Variants in NAV1 observed in about 807,000 individuals in gnomAD.
The protein encoded by NAV1 is neuron navigator 1, also known as pore membrane and/or filament interacting like protein 3.
NAV1 carries 18 observed loss-of-function variants against 175.2 expected under a neutral mutation model. That is an observed-to-expected ratio of 0.10 (90% CI 0.07 to 0.15). The LOEUF (loss-of-function observed/expected upper bound fraction) is 0.15. NAV1 is among the 10% of genes least tolerant of loss of function. The pLI, the probability that NAV1 is intolerant of heterozygous loss-of-function variation, is 1.00. For synonymous variants in NAV1, 897 were observed against 978.7 expected (o/e 0.92, Z 1.56); for missense variants, 1,731 against 2,436.6 (o/e 0.71, Z 6.10).
intron 1 of NAV1, among the ~76,000 whole-genome samples, chr1:201,697,290 G>T (rs1571890918): frequency 6.6e-6 from 1 of 152,150 alleles, no homozygotes; most frequent in Admixed American, 6.5e-5. Flanking sequence ...GACACAGCAG[G>T]CTTTTCCAGA....
At chr1:201,691,390 G>A (rs1044524013) in intron 1 of NAV1, among the ~76,000 whole-genome samples, 5 of 152,248 alleles carry the variant, frequency 3.3e-5, no homozygotes, top group South Asian at 2.1e-4. Flanking sequence ...GGTTTAGGAA[G>A]CAAACCAAAA....
At chr1:201,756,848 CTTTCTTTCTTT>C (rs1558131656) in intron 3 of NAV1, among the ~76,000 whole-genome samples, 1 of 132,346 alleles carries the variant, frequency 7.6e-6, no homozygotes, top group East Asian at 2.1e-4. Context: ...TTCTTTCTTT[CTTTCTTTCTTT>C]CTTTCTTTCT....
chr1:201,584,265 G>T lies in NAV1; in HGVS notation c.-143-4274G>T, dbSNP rs563171617. On this transcript the variant is annotated intron_variant, in intron 1 of 33. Transcript: ENST00000685211. ...CTGTAAAACCATTGCTCTTTTTCAT[G>T]ATACCATGTTTTTAGGGACTGCCCA... Among the ~76,000 whole-genome samples, 4 of 152,288 alleles carry T rather than the reference G, an allele frequency of 2.6e-5. No homozygotes were observed. The East Asian group carries it at 7.7e-4, about 29-fold the overall frequency.
At chr1:201,793,809 T>A (rs781651569) in exon 14 of NAV1, 5 of 1,613,710 alleles carry the variant, frequency 3.1e-6, no homozygotes, top group Admixed American at 1.7e-5. Context: ...TGGTGGCTGC[T>A]TTTGAGCAGA....
intron 15 of NAV1, 119 bp downstream of exon 19, chr1:201,794,696 C>A: frequency 1.2e-6 from 1 of 865,514 alleles, no homozygotes. Flanking sequence ...AAGGTGAGGG[C>A]CTTTAGATAC....
At chr1:201,815,410 G>A (rs1477862940) in intron 28 of NAV1, among the ~76,000 whole-genome samples, 1 of 152,108 alleles carries the variant, frequency 6.6e-6, no homozygotes, top group Non-Finnish European at 1.5e-5. Context: ...GGATGGGGAA[G>A]AAATTCTGTC....
chr1:201,818,018 G>C (rs907556564), intron 29 of NAV1, among the ~76,000 whole-genome samples: 2 of 152,014 alleles, frequency 1.3e-5, no homozygotes, highest in African/African-American at 4.8e-5. Context: ...ATGGCTTGAG[G>C]CCAGGAGTGC....
At chr1:201,721,810 C>T (rs915883575) in intron 3 of NAV1, among the ~76,000 whole-genome samples, 7 of 152,150 alleles carry the variant, frequency 4.6e-5, no homozygotes, top group African/African-American at 1.4e-4. Context: ...TCCGAGTGAG[C>T]CATAAAAGAT....
chr1:201,822,345 C>G (rs1296562279), exon 30 of NAV1: 1 of 152,652 alleles, frequency 6.6e-6, no homozygotes, highest in Non-Finnish European at 1.5e-5. Context: ...CTTCTAAACC[C>G]TATCCTAAGC....
intron 1 of NAV1, among the ~76,000 whole-genome samples, chr1:201,695,809 C>G (rs1349383137): frequency 6.6e-6 from 1 of 152,224 alleles, no homozygotes; most frequent in African/African-American, 2.4e-5. Context: ...CTCCCCAGAG[C>G]AGTCCCAGGC....
chr1:201,673,377 G>C (rs946497838), intron 1 of NAV1: 4 of 152,182 alleles, frequency 2.6e-5, no homozygotes, highest in Admixed American at 2.0e-4. Flanking sequence ...CTGGAGAGTG[G>C]TAAAATGGGA....
chr1:201,561,868 C>A (rs73082552), intron 1 of NAV1, among the ~76,000 whole-genome samples: 1 of 152,170 alleles, frequency 6.6e-6, no homozygotes, highest in African/African-American at 2.4e-5. Flanking sequence ...ATGTTCAGGG[C>A]CCTTAGGCAG....
chr1:201,804,209 C>A (rs1409357912), intron 16 of NAV1: 3 of 536,704 alleles, frequency 5.6e-6, no homozygotes, highest in Non-Finnish European at 1.0e-5. Flanking sequence ...CATTTTTGTA[C>A]GTGTGGTTTT....
At chr1:201,626,615 A>G (rs55944621) in intron 1 of NAV1, among the ~76,000 whole-genome samples, 3 of 152,142 alleles carry the variant, frequency 2.0e-5, no homozygotes, top group Admixed American at 1.3e-4. Context: ...CCTCTCTGCT[A>G]TCCTGGAAGA....
At position 201,648,864 on chromosome 1, in the gene NAV1, GTCT is replaced by G. The variant is rs755615480; in HGVS notation, c.199_201del (p.Phe67del). On this transcript the variant is annotated inframe_deletion, in exon 1 of 30. Transcript: ENST00000367296. Reference sequence around the variant, plus strand: ...CAAGGCCAGCGCGGCTGAGCTGAAGGTCTTCAAGTCCGGCAGCGTGGACAGCCG... The same window carrying G: ...CAAGGCCAGCGCGGCTGAGCTGAAGGTCAAGTCCGGCAGCGTGGACAGCCG... 2.5e-6 allele frequency: 4 copies of G among 1,612,154 alleles called. No individual in the cohort carries two copies. The South Asian group carries it at 4.4e-5, about 18-fold the overall frequency.
intron 1 of NAV1, among the ~76,000 whole-genome samples, chr1:201,554,373 C>T (rs1665951772): frequency 6.6e-6 from 1 of 152,088 alleles, no homozygotes; most frequent in Admixed American, 6.6e-5. Flanking sequence ...TTCTGTTCAC[C>T]GATGGGAAGC....
intron 2 of NAV1, among the ~76,000 whole-genome samples, chr1:201,590,714 A>C (rs1667163296): frequency 6.6e-6 from 1 of 152,212 alleles, no homozygotes; most frequent in South Asian, 2.1e-4. Context: ...GCCAGGAGCC[A>C]GTGGGCTGGC....
Position 201,585,435 on chromosome 1 carries a change from GAC to G in NAV1, c.-143-3088_-143-3087del, listed in dbSNP as rs147225809. ...GGCTCTGAGAAGCTCTTCATTCACA[GAC>G]ACACACACACACACAAATAGACAAA... On this transcript the variant is annotated intron_variant, in intron 1 of 33. Coordinates refer to the NAV1 transcript ENST00000685211. Among the ~76,000 whole-genome samples the G allele has an allele frequency of 8.6e-5, 13 of 150,908 alleles. No homozygotes were observed. In the East Asian group the frequency reaches 9.7e-4, roughly 11 times the overall value.
At chr1:201,803,996 G>A in intron 16 of NAV1, 1 of 519,730 alleles carries the variant, frequency 1.9e-6, no homozygotes, top group Non-Finnish European at 3.7e-6. Flanking sequence ...GAAGGATGCT[G>A]AGGATATACT....
Sources: gnomAD v4.1 joint callset for allele counts (sites outside exome capture counted in the v4.1 genomes callset) on GRCh38, gnomAD v4.1.1 for gene constraint, MANE v1.5 for transcripts, NCBI Gene and HGNC (gene_info 2026-07-23, HGNC 2026-07-21) for gene names.